Variants in POLR2F observed in about 807,000 individuals in gnomAD.
POLR2F encodes the protein DNA-directed RNA polymerases I, II, and III subunit RPABC2.
POLR2F carries 12 observed loss-of-function variants against 22.7 expected under a neutral mutation model. That is an observed-to-expected ratio of 0.53 (90% CI 0.34 to 0.86). The LOEUF is 0.86. Among genes scored for constraint, POLR2F ranks in the 40% least tolerant of loss-of-function variants. The probability of loss-of-function intolerance (pLI) is 0.02; values close to 1 mark genes in which losing one functional copy is unlikely to be tolerated. For synonymous variants in POLR2F, 57 were observed against 66.0 expected, an observed-to-expected ratio of 0.86 and a Z score of 0.66; for missense variants, 126 against 171.5, an observed-to-expected ratio of 0.73 and a Z score of 1.48.
intron 3 of POLR2F, among the ~76,000 whole-genome samples, chr22:37,963,112 G>C (rs890723886): frequency 6.6e-6 from 1 of 150,480 alleles, no homozygotes; most frequent in African/African-American, 2.5e-5. Context: ...TGAGCTTCCC[G>C]GGTAGCTGGG....
intron 5 of POLR2F, chr22:38,032,598 A>T (rs2085077301): frequency 6.6e-6 from 1 of 152,346 alleles, no homozygotes; most frequent in African/African-American, 2.4e-5. Context: ...GGGCAGGGAA[A>T]CCAGGATGCT....
chr22:37,978,198 A>C lies in POLR2F; in HGVS notation c.293+11028A>C. The stretch of plus-strand genomic sequence containing the variant: ...GCTGGCGTGAATGCCAGAGCACTCC[A>C]GGTTGGCCTCCCTCTGAGTGTCCAT... On this transcript the variant is annotated intron_variant, in intron 4 of 4. Transcript: ENST00000405557. This position sits in a 1 kb window ranked among gnomAD's most constrained non-coding sequence, Gnocchi z 5.0. 1 of 1,448,128 alleles carries C rather than the reference A, an allele frequency of 6.9e-7. No homozygotes were observed. The highest frequency in any genetic ancestry group is 9.1e-7 in the Non-Finnish European group (1 of 1,098,486). 89.7% of individuals were successfully genotyped at this position (1,448,128 alleles called of 1,614,324 possible).
chr22:37,973,513 C>T (rs771990173), downstream of POLR2F: 13 of 1,607,138 alleles, frequency 8.1e-6, no homozygotes, highest in Middle Eastern at 2.1e-4. Flanking sequence ...GGGACAGTGT[C>T]GTATATACTG....
At chr22:38,019,978 C>T (rs1309161550) in intron 1 of POLR2F, among the ~76,000 whole-genome samples, 1 of 151,976 alleles carries the variant, frequency 6.6e-6, no homozygotes, top group African/African-American at 2.4e-5. Context: ...CGTGCTATTG[C>T]ACTCCAGCCT....
At chr22:37,959,803 G>GTTT (rs758630099) in intron 3 of POLR2F, among the ~76,000 whole-genome samples, 17 of 137,004 alleles carry the variant, frequency 1.2e-4, no homozygotes, top group African/African-American at 4.0e-4. Context: ...TACCAGTGTA[G>GTTT]TTTTTTTTTT....
chr22:38,001,512 T>G (rs774967850), intron 1 of POLR2F, among the ~76,000 whole-genome samples: 29 of 152,270 alleles, frequency 1.9e-4, no homozygotes, highest in Non-Finnish European at 2.9e-4. Flanking sequence ...TGCCTGACAT[T>G]GGAGGCTCCT....
chr22:37,964,491 C>T (rs576519855), intron 3 of POLR2F, among the ~76,000 whole-genome samples: 3 of 151,840 alleles, frequency 2.0e-5, no homozygotes, highest in Non-Finnish European at 4.4e-5. Context: ...GTGTGCAGCA[C>T]TTAAAGGTTT....
At chr22:38,022,878 G>C (rs1417200896) in intron 1 of POLR2F, among the ~76,000 whole-genome samples, 1 of 152,146 alleles carries the variant, frequency 6.6e-6, no homozygotes, top group Non-Finnish European at 1.5e-5. Context: ...GCCGGGCATG[G>C]TGGGCACCTG....
At chr22:37,996,415 G>A (rs1320023823) in intron 1 of POLR2F, among the ~76,000 whole-genome samples, 4 of 152,252 alleles carry the variant, frequency 2.6e-5, no homozygotes, top group Non-Finnish European at 4.4e-5. Context: ...GCACTAGGGG[G>A]ACAAGGGCGG....
At chr22:38,006,755 C>T (rs887610114) in intron 1 of POLR2F, among the ~76,000 whole-genome samples, 72 of 152,188 alleles carry the variant, frequency 4.7e-4, no homozygotes, top group African/African-American at 1.6e-3. Context: ...GCAACCATGG[C>T]CCCAGCTCTG....
chr22:37,970,426 C>A (rs1343026044), downstream of POLR2F, among the ~76,000 whole-genome samples: 3 of 141,786 alleles, frequency 2.1e-5, no homozygotes, highest in African/African-American at 7.9e-5. Flanking sequence ...CATGGTGAAA[C>A]CCTGTCTCTA....
In POLR2F at chr22:37,980,311, G is replaced by T. The variant is rs1481784571; in HGVS notation, c.293+13141G>T. ...GTGGACCCCAACAGAGGGGCTTCTG[G>T]GATGGCTGGGGACATGGGACACAGA... is the stretch of plus-strand genomic sequence containing the variant. On this transcript the variant is annotated intron_variant, in intron 4 of 4. Transcript: ENST00000405557. This position sits in a 1 kb window ranked among gnomAD's most constrained non-coding sequence, Gnocchi z 4.1. Among the ~76,000 whole-genome samples the T allele has an allele frequency of 6.6e-6, 1 of 152,078 alleles. No homozygotes were observed. Among genetic ancestry groups the T allele is most frequent in the African/African-American group, 2.4e-5 (1 of 41,396 alleles).
intron 1 of POLR2F, among the ~76,000 whole-genome samples, chr22:38,007,680 G>T (rs1334266893): frequency 6.6e-6 from 1 of 152,238 alleles, no homozygotes; most frequent in Non-Finnish European, 1.5e-5. Context: ...CCAGGGCCTT[G>T]CCTGGGCCCA....
At position 37,953,748 on chromosome 22, in the gene POLR2F, C is replaced by T. The variant is rs760329592; in HGVS notation, c.-40C>T. On this transcript the variant is annotated 5_prime_UTR_variant, in exon 1 of 5. Coordinates refer to ENST00000442738, the MANE Select transcript of POLR2F (RefSeq NM_021974.5). Reference sequence around the variant, plus strand: ...GTGTCGCTGTTTGCGGGTCTCCGCGCGGGACCGGGGCGCAGCGGGGTCGCT... The same window carrying T: ...GTGTCGCTGTTTGCGGGTCTCCGCGTGGGACCGGGGCGCAGCGGGGTCGCT... 1 of 1,599,528 alleles carries T rather than the reference C, an allele frequency of 6.3e-7. No individual in the cohort carries two copies. Among genetic ancestry groups the T allele is most frequent in the South Asian group, 1.1e-5 (1 of 89,046 alleles).
At chr22:38,025,033 C>T (rs1292609393) in intron 1 of POLR2F, among the ~76,000 whole-genome samples, 1 of 152,112 alleles carries the variant, frequency 6.6e-6, no homozygotes, top group African/African-American at 2.4e-5. Flanking sequence ...CACCCCACAG[C>T]AGGTTTCTCC....
rs149472514 is a variant in POLR2F, at chr22:37,994,929, G to T, written c.120+8617G>T. Among the ~76,000 whole-genome samples the T allele has an allele frequency of 1.7e-4, 26 of 152,338 alleles. No individual in the cohort carries two copies. The East Asian group carries it at 5.0e-3, about 29-fold the overall frequency. The stretch of plus-strand genomic sequence containing the variant: ...CAAAATGCTGGGATTATAGGTGTGC[G>T]CCACCTGCACAGGTGTTTTATATTT... On this transcript the variant is annotated intron_variant, in intron 1 of 2. Transcript: ENST00000333418.
chr22:37,964,302 A>G (rs992740010), intron 3 of POLR2F, among the ~76,000 whole-genome samples: 1 of 151,988 alleles, frequency 6.6e-6, no homozygotes, highest in African/African-American at 2.4e-5. Context: ...ACAGGTAAAG[A>G]GAGTTGGTTT....
At position 38,031,814 on chromosome 22, in the gene POLR2F, C is replaced by G. The variant is rs1026061034; in HGVS notation, c.453-9254C>G. On this transcript the variant is annotated intron_variant, in intron 5 of 5. Coordinates refer to the POLR2F transcript ENST00000407936. This position sits in a 1 kb window ranked among gnomAD's most constrained non-coding sequence, Gnocchi z 4.1. ...AACGGCCCCACTGTTCTCCAGTGAC[C>G]CAGGCATGAAGCTTCGGAGTCATTT... 6.6e-6 allele frequency among the ~76,000 whole-genome samples: 1 copy of G among 152,248 alleles called. No homozygotes were observed. Among genetic ancestry groups the G allele is most frequent in the African/African-American group, 2.4e-5 (1 of 41,552 alleles).
At position 38,037,015 on chromosome 22, in the gene POLR2F, G is replaced by A. The variant is rs543983669; in HGVS notation, c.453-4053G>A. ...TAACACCCCTCCCATCTCTCTTCAC[G>A]TTTACCCTGCTTTGTTTTTTATTCT... On this transcript the variant is annotated intron_variant, in intron 5 of 5. Transcript: ENST00000407936. Among the ~76,000 whole-genome samples the A allele has an allele frequency of 2.0e-5, 3 of 152,130 alleles. No homozygotes were observed. In the East Asian group the frequency reaches 5.8e-4, roughly 29 times the overall value.
Sources: allele counts gnomAD v4.1 joint callset (sites outside exome capture counted in the v4.1 genomes callset), GRCh38; gene constraint gnomAD v4.1.1; non-coding constraint Gnocchi (gnomAD v3.1); transcripts MANE v1.5; gene names NCBI Gene and HGNC (gene_info 2026-07-23, HGNC 2026-07-21).